CDH12: variants seen among roughly 807,000 people sequenced by gnomAD.
CDH12 encodes the protein cadherin-12.
Under a neutral mutation model 74.1 loss-of-function variants are expected in CDH12, and 41 were observed. That is an observed-to-expected ratio of 0.55 (90% CI 0.43 to 0.72). CDH12 has a LOEUF of 0.72. Ranked by LOEUF, CDH12 falls within the 30% of genes least tolerant of loss-of-function variation. The pLI, the probability that CDH12 is intolerant of heterozygous loss-of-function variation, is 0.00. For synonymous variants in CDH12, 399 were observed against 355.0 expected (o/e 1.12, Z -1.39); for missense variants, 945 against 977.2 (o/e 0.97, Z 0.44).
intron 6 of CDH12, chr5:21,882,987 A>G (rs1752438390): frequency 1.4e-5 from 22 of 1,600,368 alleles, no homozygotes; most frequent in Non-Finnish European, 1.9e-5. Context: ...GAAGATTAGC[A>G]AAGGTGCTAA....
chr5:22,521,512 A>G (rs1192195447), intron 1 of CDH12, among the ~76,000 whole-genome samples: 4 of 152,306 alleles, frequency 2.6e-5, no homozygotes, highest in East Asian at 1.9e-4. Flanking sequence ...CCTAATCTAC[A>G]TATTCTATAC....
chr5:22,452,854 T>C (rs907740282), intron 2 of CDH12, among the ~76,000 whole-genome samples: 1 of 31,932 alleles, frequency 3.1e-5, no homozygotes, highest in Non-Finnish European at 5.9e-5. Flanking sequence ...AGAGAATATA[T>C]ATAAGAAACT....
chr5:21,981,198 T>C (rs969107695), intron 5 of CDH12, among the ~76,000 whole-genome samples: 31 of 152,278 alleles, frequency 2.0e-4, no homozygotes, highest in African/African-American at 7.0e-4. Flanking sequence ...CTGTTTATTC[T>C]CTGTGTTGTC....
chr5:22,522,121 T>C (rs988853956), intron 1 of CDH12, among the ~76,000 whole-genome samples: 10 of 152,212 alleles, frequency 6.6e-5, no homozygotes, highest in Non-Finnish European at 1.5e-4. Flanking sequence ...TTTTCAGTTA[T>C]GATAAGACAT....
At chr5:22,064,008 C>G (rs923950266) in intron 5 of CDH12, among the ~76,000 whole-genome samples, 1 of 151,546 alleles carries the variant, frequency 6.6e-6, no homozygotes, top group African/African-American at 2.4e-5. Flanking sequence ...CACACACACA[C>G]ACACACACAC....
At chr5:22,787,518 G>A (rs1747698027) in intron 1 of CDH12, among the ~76,000 whole-genome samples, 1 of 152,006 alleles carries the variant, frequency 6.6e-6, no homozygotes, top group Non-Finnish European at 1.5e-5. Flanking sequence ...GTGATTCATT[G>A]CTATACAATG....
intron 13 of CDH12, among the ~76,000 whole-genome samples, chr5:21,756,282 A>G (rs1362176252): frequency 6.6e-6 from 1 of 152,088 alleles, no homozygotes; most frequent in Non-Finnish European, 1.5e-5. Flanking sequence ...GGATTTTTCT[A>G]TCTACATGTT....
At chr5:22,776,974 A>T (rs1301811642) in intron 1 of CDH12, among the ~76,000 whole-genome samples, 1 of 152,100 alleles carries the variant, frequency 6.6e-6, no homozygotes, top group Non-Finnish European at 1.5e-5. Flanking sequence ...ACCAAGTAAA[A>T]ATGTTGAAGA....
At chr5:22,117,480 A>ATATAT in intron 4 of CDH12, among the ~76,000 whole-genome samples, 1 of 62,042 alleles carries the variant, frequency 1.6e-5, no homozygotes, top group African/African-American at 6.7e-5. Flanking sequence ...TATATATATT[A>ATATAT]TATATATATT....
At chr5:22,040,364 A>G (rs931413642) in intron 5 of CDH12, among the ~76,000 whole-genome samples, 4 of 152,152 alleles carry the variant, frequency 2.6e-5, no homozygotes, top group Admixed American at 2.6e-4. Context: ...GAAGTTGAAG[A>G]GGCCAAGATA....
At chr5:21,862,119 C>T (rs1351636027) in intron 6 of CDH12, among the ~76,000 whole-genome samples, 1 of 151,678 alleles carries the variant, frequency 6.6e-6, no homozygotes, top group Non-Finnish European at 1.5e-5. Flanking sequence ...AACTATTATC[C>T]TTTAGTTGTG....
Position 21,817,002 on chromosome 5 carries a change from A to G in CDH12, c.945T>C (p.Asn315=), listed in dbSNP as rs753988533. ...CCTCATCTGTGACGATGTCAAACAA[A>G]TTTCCCCCATCTCCTGGAACAATAT... ...EYNIVPGDGG[N]LFDIVTDEDT... is the part of the protein sequence containing the mutation. Residue 315 remains asparagine, a synonymous_variant, in exon 9 of 15, where the codon AAT becomes AAC. Coordinates refer to ENST00000382254, the MANE Select transcript of CDH12 (RefSeq NM_004061.5). 2 of 1,612,614 alleles carry G rather than the reference A, an allele frequency of 1.2e-6. No homozygotes were observed. Among genetic ancestry groups the G allele is most frequent in the Non-Finnish European group, 1.7e-6 (2 of 1,179,190 alleles).
chr5:22,468,332 C>T (rs1244384811), intron 2 of CDH12, among the ~76,000 whole-genome samples: 8 of 152,194 alleles, frequency 5.3e-5, no homozygotes, highest in Admixed American at 2.6e-4. Flanking sequence ...GGACATATAA[C>T]TATTAATTGC....
intron 4 of CDH12, among the ~76,000 whole-genome samples, chr5:22,080,700 T>C (rs953350057): frequency 1.3e-5 from 2 of 152,312 alleles, no homozygotes; most frequent in Admixed American, 6.5e-5. Flanking sequence ...ATCTTTTTTT[T>C]TATCACTTGA....
intron 13 of CDH12, among the ~76,000 whole-genome samples, chr5:21,759,333 TTTCA>T (rs1744582609): frequency 1.3e-5 from 2 of 151,750 alleles, no homozygotes; most frequent in African/African-American, 4.8e-5. Context: ...TTTTAAAGAG[TTTCA>T]TTCTTTCCTT....
chr5:22,641,592 T>A, intron 1 of CDH12, among the ~76,000 whole-genome samples: 1 of 152,086 alleles, frequency 6.6e-6, no homozygotes. Context: ...CCATCATACC[T>A]GCTCTGCCCA....
At chr5:22,337,170 T>C (rs1232461256) in intron 3 of CDH12, among the ~76,000 whole-genome samples, 1 of 152,174 alleles carries the variant, frequency 6.6e-6, no homozygotes, top group Admixed American at 6.5e-5. Flanking sequence ...ATGGCTGTAT[T>C]TACCCAATGC....
intron 1 of CDH12, among the ~76,000 whole-genome samples, chr5:22,651,549 G>A (rs1344356369): frequency 6.6e-6 from 1 of 152,108 alleles, no homozygotes; most frequent in Non-Finnish European, 1.5e-5. Context: ...CATGAGACCA[G>A]CATGGGGGAA....
chr5:22,502,083 G>C lies in CDH12; in HGVS notation c.-428+3187C>G, dbSNP rs1000357169. The stretch of plus-strand genomic sequence containing the variant: ...GCATCCTCATCTTCATAAAATAAAG[G>C]ATTAGTGGAATCTTGATAGTTGATA... On this transcript the variant is annotated intron_variant, in intron 2 of 14. Transcript: ENST00000382254. 3.9e-5 allele frequency among the ~76,000 whole-genome samples: 6 copies of C among 152,082 alleles called. No individual in the cohort carries two copies. In the South Asian group the frequency reaches 8.3e-4, roughly 21 times the overall value.
Sources: allele counts gnomAD v4.1 joint callset (sites outside exome capture counted in the v4.1 genomes callset), GRCh38; gene constraint gnomAD v4.1.1; transcripts MANE v1.5; gene names NCBI Gene and HGNC (gene_info 2026-07-23, HGNC 2026-07-21).